The following PDCD10 variants were observed in gnomAD, a reference collection of about 807,000 sequenced individuals.
PDCD10 encodes programmed cell death protein 10.
In PDCD10, 4 loss-of-function variants were observed where a neutral mutation model predicts 29.2. The observed-to-expected ratio is 0.14, with a 90% CI of 0.07 to 0.31. The LOEUF (loss-of-function observed/expected upper bound fraction) is 0.31, where lower values mean the gene tolerates loss of function less well. Ranked by LOEUF, PDCD10 falls within the 10% of genes least tolerant of loss-of-function variation. PDCD10 has a pLI of 1.00. For missense variants in PDCD10, 183 were observed against 257.9 expected, an observed-to-expected ratio of 0.71 and a Z score of 1.99; for synonymous variants, 70 against 82.2, an observed-to-expected ratio of 0.85 and a Z score of 0.80.
chr3:167,695,465 G>C (rs538547368), intron 6 of PDCD10, 131 bp downstream of exon 6: 391 of 790,556 alleles, frequency 4.9e-4, no homozygotes, highest in Non-Finnish European at 7.4e-4. Context: ...ATAAAATGTG[G>C]TATTTAAAAA....
chr3:167,710,408 C>T (rs989744326), intron 3 of PDCD10, among the ~76,000 whole-genome samples: 6 of 152,102 alleles, frequency 3.9e-5, no homozygotes, highest in Non-Finnish European at 5.9e-5. Flanking sequence ...AAGTGAACAT[C>T]AACCATGGCC....
intron 4 of PDCD10, among the ~76,000 whole-genome samples, chr3:167,700,323 C>T (rs9883027): frequency 1.3e-5 from 2 of 152,086 alleles, no homozygotes; most frequent in African/African-American, 4.8e-5. Flanking sequence ...TTTTTCTCAT[C>T]GTGTTTAGTG....
intron 3 of PDCD10, among the ~76,000 whole-genome samples, chr3:167,710,040 C>T (rs1359505018): frequency 2.6e-5 from 4 of 152,134 alleles, no homozygotes; most frequent in Non-Finnish European, 5.9e-5. Context: ...GATTCATCGC[C>T]TGCTGACTAA....
intron 3 of PDCD10, among the ~76,000 whole-genome samples, chr3:167,707,044 C>G (rs139258839): frequency 6.6e-6 from 1 of 152,306 alleles, no homozygotes; most frequent in South Asian, 2.1e-4. Flanking sequence ...TCTTTAAGGA[C>G]TGACATATTC....
chr3:167,684,824 A>G lies in PDCD10; in HGVS notation c.558-435T>C, dbSNP rs191246291. ...ATTACTTCCAATCTGATTCATCCCA[A>G]TCTCTTTATCTCCTTAAAAAAAGGT... is the stretch of plus-strand genomic sequence containing the variant. On this transcript the variant is annotated intron_variant, in intron 8 of 8. Coordinates refer to ENST00000392750, the MANE Select transcript of PDCD10 (RefSeq NM_007217.4). 2.6e-5 allele frequency among the ~76,000 whole-genome samples: 4 copies of G among 152,310 alleles called. No homozygotes were observed. The East Asian group carries it at 7.7e-4, about 29-fold the overall frequency.
intron 8 of PDCD10, among the ~76,000 whole-genome samples, chr3:167,686,481 G>A (rs1337745817): frequency 1.3e-5 from 2 of 152,130 alleles, no homozygotes; most frequent in African/African-American, 4.8e-5. Flanking sequence ...CAGAATCTCT[G>A]CAGGTGGGGC....
intron 3 of PDCD10, among the ~76,000 whole-genome samples, chr3:167,716,692 C>T (rs868763246): frequency 4.0e-5 from 6 of 151,798 alleles, no homozygotes; most frequent in African/African-American, 1.2e-4. Context: ...GCTAATAATT[C>T]GCAGAAATAG....
rs1720716761 is a variant in PDCD10 at position 167,695,578 on chromosome 3, A to G, written c.395+18T>C. 1.2e-6 allele frequency: 2 copies of G among 1,611,436 alleles called. No homozygotes were observed. The highest frequency in any genetic ancestry group is 2.2e-5 in the South Asian group (2 of 91,034). On this transcript the variant is annotated intron_variant, in intron 6 of 8. Coordinates refer to ENST00000392750, the MANE Select transcript of PDCD10 (RefSeq NM_007217.4). ...AGTACTTTTAAGAAAAGAAGAAACA[A>G]AACAAATAATTGCTTACTTGATTGT... is the stretch of plus-strand genomic sequence containing the variant.
intron 2 of PDCD10, among the ~76,000 whole-genome samples, chr3:167,720,758 T>C (rs1273406037): frequency 6.6e-6 from 1 of 152,136 alleles, no homozygotes; most frequent in East Asian, 1.9e-4. Flanking sequence ...TTTTTGCTAC[T>C]TGTTTATTGA....
chr3:167,726,926 A>G (rs1038447285), intron 2 of PDCD10, among the ~76,000 whole-genome samples: 1 of 152,208 alleles, frequency 6.6e-6, no homozygotes, highest in Non-Finnish European at 1.5e-5. Flanking sequence ...GGCCACCTAC[A>G]TAGCATATTT....
intron 4 of PDCD10, chr3:167,697,923 T>C (rs1720976193): frequency 4.4e-6 from 2 of 456,600 alleles, no homozygotes; most frequent in Non-Finnish European, 8.8e-6. Flanking sequence ...GTTTGTTTCC[T>C]GTAGGATGCC....
rs539733424 is a variant in PDCD10, at chr3:167,734,713, C to A, written c.-305G>T. 8.3e-4 allele frequency: 129 copies of A among 155,056 alleles called. No homozygotes were observed. Among genetic ancestry groups the A allele is most frequent in the Non-Finnish European group, 1.3e-3 (89 of 69,974 alleles). 9.6% of individuals were successfully genotyped at this position (155,056 alleles called of 1,614,324 possible). On this transcript the variant is annotated 5_prime_UTR_variant, in exon 1 of 9. Transcript: ENST00000392750. ...GTCCGCTCCGCCTGCCAGAACCAAG[C>A]CCAAGTGCCTCAGCCATGGCCCCTG...
chr3:167,690,926 CA>C (rs1261157347), intron 6 of PDCD10, among the ~76,000 whole-genome samples: 1 of 152,172 alleles, frequency 6.6e-6, no homozygotes, highest in Admixed American at 6.5e-5. Context: ...CTAATATATT[CA>C]AAATTGCCTG....
chr3:167,730,081 T>C (rs1315369472), intron 2 of PDCD10, among the ~76,000 whole-genome samples: 1 of 152,150 alleles, frequency 6.6e-6, no homozygotes, highest in Non-Finnish European at 1.5e-5. Context: ...TTAAATTTTG[T>C]AGCTTAAATG....
intron 2 of PDCD10, chr3:167,725,412 T>C (rs1196606570): frequency 6.6e-6 from 1 of 151,964 alleles, no homozygotes; most frequent in Non-Finnish European, 1.5e-5. Context: ...TTTTTAGGGC[T>C]TTCTCATGCC....
rs551178241 is a variant in PDCD10, at chr3:167,709,659, A to T, written c.97-4764T>A. Among the ~76,000 whole-genome samples the T allele has an allele frequency of 3.3e-5, 5 of 152,282 alleles. No individual in the cohort carries two copies. In the East Asian group the frequency reaches 9.7e-4, roughly 29 times the overall value. ...AGATAAACTTGAAAGGCAGTCTAGG[A>T]CACAAGGACTGCAATTCCTGGACAC... is the stretch of plus-strand genomic sequence containing the variant. On this transcript the variant is annotated intron_variant, in intron 3 of 8. Transcript: ENST00000392750.
At chr3:167,704,725 G>A (rs1721795802) in intron 4 of PDCD10, 117 bp downstream of exon 4, 2 of 723,236 alleles carry the variant, frequency 2.8e-6, no homozygotes, top group Non-Finnish European at 5.0e-6. Context: ...AGTAAAACAG[G>A]CATAAGATGG....
At chr3:167,695,121 G>T (rs1236451126) in intron 6 of PDCD10, among the ~76,000 whole-genome samples, 1 of 152,250 alleles carries the variant, frequency 6.6e-6, no homozygotes, top group East Asian at 1.9e-4. Flanking sequence ...CCAGCCTTCT[G>T]GCCCCATGAG....
At chr3:167,697,720 A>T (rs76480728) in intron 4 of PDCD10, 7,678 of 220,198 alleles carry the variant, frequency 0.035, 616 homozygotes, top group African/African-American at 0.17. Context: ...GGTTTCTAGA[A>T]CATCATGAAA....
Sources: allele counts gnomAD v4.1 joint callset (sites outside exome capture counted in the v4.1 genomes callset), GRCh38; gene constraint gnomAD v4.1.1; transcripts MANE v1.5; gene names NCBI Gene and HGNC (gene_info 2026-07-23, HGNC 2026-07-21).